The following EFNA5 variants were observed in gnomAD, a reference collection of about 807,000 sequenced individuals.
The protein encoded by EFNA5 is ephrin-A5.
In EFNA5, 5 loss-of-function variants were observed where a neutral mutation model predicts 22.9. The ratio of observed to expected loss-of-function variants is 0.22; its 90% CI spans 0.11 to 0.46. EFNA5 has a LOEUF of 0.46. EFNA5 is among the 20% of genes least tolerant of loss of function. The probability of loss-of-function intolerance (pLI) is 0.99; values close to 1 mark genes in which losing one functional copy is unlikely to be tolerated. For missense variants in EFNA5, 237 were observed against 293.3 expected (o/e 0.81, Z 1.40); for synonymous variants, 113 against 112.2 (o/e 1.01, Z -0.04).
chr5:107,513,573 G>A (rs938511474), intron 1 of EFNA5, among the ~76,000 whole-genome samples: 4 of 152,004 alleles, frequency 2.6e-5, no homozygotes, highest in African/African-American at 9.7e-5. Context: ...CAGAAAACAT[G>A]GTATTCTAAA....
intron 2 of EFNA5, among the ~76,000 whole-genome samples, chr5:107,425,901 G>A (rs1003684791): frequency 6.6e-6 from 1 of 152,148 alleles, no homozygotes; most frequent in African/African-American, 2.4e-5. Flanking sequence ...GAATGTTCTT[G>A]TTTGTCTGGC....
intron 1 of EFNA5, among the ~76,000 whole-genome samples, chr5:107,502,414 T>A (rs1202247996): frequency 6.6e-6 from 1 of 152,138 alleles, no homozygotes; most frequent in African/African-American, 2.4e-5. Context: ...ATCTAGCACA[T>A]CTTCCCTATC....
At position 107,378,938 on chromosome 5, in the gene EFNA5, A is replaced by AG. The variant is rs1038299825; in HGVS notation, c.*2316_*2317insC. On this transcript the variant is annotated 3_prime_UTR_variant, in exon 5 of 5. Transcript: ENST00000333274. The stretch of plus-strand genomic sequence containing the variant: ...GTTCTATTGATCCATTTTAGAAGGT[A>AG]TCTTTCTCCCCCTACCCAAATCCCA... 2.0e-5 allele frequency: 3 copies of AG among 152,236 alleles called. No individual in the cohort carries two copies. The highest frequency in any genetic ancestry group is 7.2e-5 in the African/African-American group (3 of 41,540). The allele number at this position is 152,236 out of a possible 1,614,324, so 9.4% of individuals were successfully genotyped here.
At chr5:107,569,499 GTATATATATTTATATA>G (rs1561435833) in intron 1 of EFNA5, among the ~76,000 whole-genome samples, 6 of 129,308 alleles carry the variant, frequency 4.6e-5, no homozygotes, top group African/African-American at 1.8e-4. Context: ...ATATATATGT[GTATATATATTTATATA>G]TGTGTGTATA....
chr5:107,591,188 T>C (rs1749317534), intron 1 of EFNA5, among the ~76,000 whole-genome samples: 2 of 152,280 alleles, frequency 1.3e-5, no homozygotes, highest in South Asian at 4.1e-4. Context: ...CCAACATAGG[T>C]ATCTTACACG....
At chr5:107,503,450 C>T (rs961195083) in intron 1 of EFNA5, among the ~76,000 whole-genome samples, 11 of 152,148 alleles carry the variant, frequency 7.2e-5, no homozygotes, top group Non-Finnish European at 1.0e-4. Flanking sequence ...AGAGGTGTTC[C>T]GATGTCTATC....
At chr5:107,471,271 C>A (rs1750133882) in intron 1 of EFNA5, among the ~76,000 whole-genome samples, 1 of 152,126 alleles carries the variant, frequency 6.6e-6, no homozygotes, top group African/African-American at 2.4e-5. Context: ...AAACTCCTAC[C>A]TTCAGGCCTC....
Position 107,655,650 on chromosome 5 carries a change from A to C in EFNA5, c.125+14839T>G, listed in dbSNP as rs1238141322. Reference sequence around the variant, plus strand: ...AGTAAAACAACATTACAAAATGATTATGTAAGTATATGATGGAAATTTTTT... The same window carrying C: ...AGTAAAACAACATTACAAAATGATTCTGTAAGTATATGATGGAAATTTTTT... On this transcript the variant is annotated intron_variant, in intron 1 of 4. Transcript: ENST00000333274. 2.0e-5 allele frequency among the ~76,000 whole-genome samples: 3 copies of C among 152,136 alleles called. No individual in the cohort carries two copies. The East Asian group carries it at 5.8e-4, about 29-fold the overall frequency.
intron 1 of EFNA5, among the ~76,000 whole-genome samples, chr5:107,662,169 G>C (rs1292574540): frequency 6.6e-6 from 1 of 152,120 alleles, no homozygotes; most frequent in Non-Finnish European, 1.5e-5. Context: ...AGATATCAGA[G>C]GAAAGTTTTC....
At chr5:107,620,881 G>A (rs943704333) in intron 1 of EFNA5, among the ~76,000 whole-genome samples, 3 of 152,182 alleles carry the variant, frequency 2.0e-5, no homozygotes, top group African/African-American at 7.2e-5. Context: ...TGTGACCTGA[G>A]AACTGAAGAA....
At chr5:107,586,779 A>T (rs1466115364) in intron 1 of EFNA5, among the ~76,000 whole-genome samples, 1 of 152,210 alleles carries the variant, frequency 6.6e-6, no homozygotes, top group Non-Finnish European at 1.5e-5. Context: ...ACTCCTTCAA[A>T]ATGGGTTATT....
intron 1 of EFNA5, among the ~76,000 whole-genome samples, chr5:107,596,025 T>A (rs955984475): frequency 1.3e-5 from 2 of 152,190 alleles, no homozygotes; most frequent in African/African-American, 4.8e-5. Flanking sequence ...CTTCCTCCTA[T>A]TTCTTGTCAA....
chr5:107,568,213 A>T (rs1378421077), intron 1 of EFNA5, among the ~76,000 whole-genome samples: 1 of 152,214 alleles, frequency 6.6e-6, no homozygotes, highest in Non-Finnish European at 1.5e-5. Flanking sequence ...CAAGCTTTAT[A>T]CAAACACACA....
At chr5:107,647,510 C>A (rs1750650330) in intron 1 of EFNA5, among the ~76,000 whole-genome samples, 2 of 151,808 alleles carry the variant, frequency 1.3e-5, no homozygotes, top group South Asian at 4.2e-4. Flanking sequence ...TTCTGATAAT[C>A]AAAAAATTTA....
intron 1 of EFNA5, among the ~76,000 whole-genome samples, chr5:107,658,680 T>C (rs934692357): frequency 1.3e-5 from 2 of 152,170 alleles, no homozygotes; most frequent in Non-Finnish European, 2.9e-5. Flanking sequence ...CTTAATTTTA[T>C]CTAGAACCTT....
chr5:107,497,558 A>G (rs1025006450), intron 1 of EFNA5, among the ~76,000 whole-genome samples: 2 of 152,232 alleles, frequency 1.3e-5, no homozygotes, highest in Non-Finnish European at 1.5e-5. Context: ...TAAAGAAGGC[A>G]TAAGATGCTT....
chr5:107,635,225 A>T (rs1205515273), intron 1 of EFNA5, among the ~76,000 whole-genome samples: 1 of 152,276 alleles, frequency 6.6e-6, no homozygotes, highest in Non-Finnish European at 1.5e-5. Flanking sequence ...GCCAAAGTCA[A>T]TAAATCATGA....
intron 2 of EFNA5, among the ~76,000 whole-genome samples, chr5:107,391,347 G>A (rs1226559940): frequency 2.0e-5 from 3 of 152,118 alleles, no homozygotes; most frequent in African/African-American, 7.2e-5. Flanking sequence ...TTTACATGAA[G>A]AGCCAGCACA....
At chr5:107,629,442 A>G (rs527557684) in intron 1 of EFNA5, among the ~76,000 whole-genome samples, 1 of 152,206 alleles carries the variant, frequency 6.6e-6, no homozygotes. Context: ...GTCATCATAC[A>G]TTTATCCAAA....
Sources: gnomAD v4.1 joint callset for allele counts (sites outside exome capture counted in the v4.1 genomes callset) on GRCh38, gnomAD v4.1.1 for gene constraint, MANE v1.5 for transcripts, NCBI Gene and HGNC (gene_info 2026-07-23, HGNC 2026-07-21) for gene names.